DLG2: variants seen among roughly 807,000 people sequenced by gnomAD.
DLG2 encodes disks large homolog 2.
In DLG2, 45 loss-of-function variants were observed where a neutral mutation model predicts 132.5. That is an observed-to-expected ratio of 0.34 (90% confidence interval 0.27 to 0.44). The LOEUF is 0.44. DLG2 is among the 20% of genes least tolerant of loss of function. DLG2 has a pLI of 1.00. For synonymous variants in DLG2, 424 were observed against 419.6 expected, an observed-to-expected ratio of 1.01 and a Z score of -0.13; for missense variants, 1,045 against 1,196.9, an observed-to-expected ratio of 0.87 and a Z score of 1.87.
chr11:83,546,300 T>A (rs2096242239), intron 19 of DLG2, among the ~76,000 whole-genome samples: 1 of 152,192 alleles, frequency 6.6e-6, no homozygotes, highest in Non-Finnish European at 1.5e-5. Context: ...ACATAGCATA[T>A]GGGTTATATG....
intron 11 of DLG2, among the ~76,000 whole-genome samples, chr11:84,045,242 T>C (rs1229977940): frequency 2.0e-5 from 3 of 151,772 alleles, no homozygotes; most frequent in Non-Finnish European, 4.4e-5. Flanking sequence ...GGGTAACATA[T>C]GCACTTGCCA....
intron 6 of DLG2, among the ~76,000 whole-genome samples, chr11:85,086,212 G>A (rs2067901856): frequency 6.6e-6 from 1 of 152,074 alleles, no homozygotes; most frequent in Admixed American, 6.5e-5. Flanking sequence ...GGGTCTGGAA[G>A]CCATCCATCA....
chr11:85,143,348 T>A (rs934472405), intron 5 of DLG2, among the ~76,000 whole-genome samples: 1 of 151,698 alleles, frequency 6.6e-6, no homozygotes, highest in East Asian at 1.9e-4. Context: ...GTTGATAGTA[T>A]CTCTAATGAT....
chr11:84,645,708 C>A (rs997868499), intron 6 of DLG2, among the ~76,000 whole-genome samples: 1 of 152,172 alleles, frequency 6.6e-6, no homozygotes, highest in Non-Finnish European at 1.5e-5. Flanking sequence ...ACCTCGTGAT[C>A]CGCCAGCCTC....
chr11:83,966,243 C>G (rs1466242107), intron 12 of DLG2, among the ~76,000 whole-genome samples: 1 of 151,940 alleles, frequency 6.6e-6, no homozygotes, highest in East Asian at 1.9e-4. Flanking sequence ...TACTCTCATA[C>G]CAGCATTATA....
chr11:84,885,840 A>G (rs2088190591), intron 6 of DLG2, among the ~76,000 whole-genome samples: 1 of 133,078 alleles, frequency 7.5e-6, no homozygotes. Flanking sequence ...AATCATTACC[A>G]GGGGAAAAGT....
intron 6 of DLG2, among the ~76,000 whole-genome samples, chr11:84,587,601 G>C (rs891744377): frequency 3.3e-5 from 5 of 152,086 alleles, no homozygotes; most frequent in African/African-American, 4.8e-5. Context: ...TTTTTAAAAA[G>C]GCGGTTCTGG....
At chr11:84,059,814 A>C (rs1249821915) in intron 10 of DLG2, among the ~76,000 whole-genome samples, 1 of 152,160 alleles carries the variant, frequency 6.6e-6, no homozygotes, top group Non-Finnish European at 1.5e-5. Context: ...TCATTATTTT[A>C]ATTGGTTTGA....
intron 11 of DLG2, among the ~76,000 whole-genome samples, chr11:84,026,686 A>G (rs1474884898): frequency 6.6e-6 from 1 of 152,122 alleles, no homozygotes; most frequent in Non-Finnish European, 1.5e-5. Flanking sequence ...GAACACACTT[A>G]ACCTTCCCCA....
At chr11:84,560,919 T>G (rs1167208691) in intron 6 of DLG2, among the ~76,000 whole-genome samples, 1 of 152,106 alleles carries the variant, frequency 6.6e-6, no homozygotes, top group Non-Finnish European at 1.5e-5. Context: ...ACAGATTTAT[T>G]GGGCATCTGT....
At chr11:84,574,108 C>T (rs1027585962) in intron 6 of DLG2, among the ~76,000 whole-genome samples, 1 of 152,150 alleles carries the variant, frequency 6.6e-6, no homozygotes, top group African/African-American at 2.4e-5. Context: ...CAGCTTTCTT[C>T]CATGACTCAG....
chr11:84,167,925 C>T (rs2095709143), intron 8 of DLG2, among the ~76,000 whole-genome samples: 1 of 152,192 alleles, frequency 6.6e-6, no homozygotes, highest in African/African-American at 2.4e-5. Context: ...CTTGGCCTCC[C>T]AAAGTGCTGG....
chr11:85,548,447 C>T (rs1181122699), intron 3 of DLG2, among the ~76,000 whole-genome samples: 2 of 152,196 alleles, frequency 1.3e-5, no homozygotes, highest in African/African-American at 2.4e-5. Context: ...AGGTGTCTCC[C>T]AGTCAGGATA....
Position 83,869,252 on chromosome 11 carries a change from G to A in DLG2, c.1565+5168C>T, listed in dbSNP as rs1033223646. On this transcript the variant is annotated intron_variant, in intron 16 of 27. Coordinates refer to ENST00000376104, the MANE Select transcript of DLG2 (RefSeq NM_001142699.3). Reference sequence around the variant, plus strand: ...CATCTGAGTACTTAGAGGAAAAAAAGACGAGTCTTTTAGGTCAGCATCATC... The same window carrying A: ...CATCTGAGTACTTAGAGGAAAAAAAAACGAGTCTTTTAGGTCAGCATCATC... Among the ~76,000 whole-genome samples the A allele has an allele frequency of 2.0e-5, 3 of 152,086 alleles. No individual in the cohort carries two copies. The East Asian group carries it at 5.8e-4, about 29-fold the overall frequency.
chr11:83,645,160 G>A (rs1477892606), intron 18 of DLG2, among the ~76,000 whole-genome samples: 1 of 152,022 alleles, frequency 6.6e-6, no homozygotes, highest in Non-Finnish European at 1.5e-5. Context: ...AGAAAGAGTG[G>A]AAGTGTCCAA....
At chr11:85,519,699 C>T (rs774839644) in intron 3 of DLG2, among the ~76,000 whole-genome samples, 12 of 152,118 alleles carry the variant, frequency 7.9e-5, no homozygotes, top group Admixed American at 2.0e-4. Context: ...TGGGAGGGGT[C>T]AGGGGTGGAA....
At chr11:84,564,820 A>G (rs2099445145) in intron 6 of DLG2, among the ~76,000 whole-genome samples, 1 of 152,168 alleles carries the variant, frequency 6.6e-6, no homozygotes, top group South Asian at 2.1e-4. Flanking sequence ...ACAGTTACCA[A>G]AGAAGTTAAT....
At chr11:85,341,068 T>C (rs1014267154) in intron 3 of DLG2, among the ~76,000 whole-genome samples, 2 of 152,078 alleles carry the variant, frequency 1.3e-5, no homozygotes, top group African/African-American at 4.8e-5. Flanking sequence ...ATTGATTCTC[T>C]GAGGTAGAAG....
intron 19 of DLG2, among the ~76,000 whole-genome samples, chr11:83,581,470 G>GAAAT (rs1396846764): frequency 6.6e-6 from 1 of 151,758 alleles, no homozygotes; most frequent in Non-Finnish European, 1.5e-5. Flanking sequence ...ATGTCAAGAG[G>GAAAT]AAATAACATT....
Sources: gnomAD v4.1 joint callset for allele counts (sites outside exome capture counted in the v4.1 genomes callset) on GRCh38, gnomAD v4.1.1 for gene constraint, MANE v1.5 for transcripts, NCBI Gene and HGNC (gene_info 2026-07-23, HGNC 2026-07-21) for gene names.